Variants in KLLN observed in about 807,000 individuals in gnomAD.
KLLN encodes the protein killin.
For synonymous variants in KLLN, 142 were observed against 102.2 expected, an observed-to-expected ratio of 1.39 and a Z score of -2.35; for missense variants, 340 against 241.3, an observed-to-expected ratio of 1.41 and a Z score of -2.71.
rs776404259 is a variant in KLLN at position 87,861,897 on chromosome 10, C to A, written c.*54G>T. ...CCCTAGCGCCCAGCTCCTTTTCCCACGTTTGGGAAGGCGCAGAATAGGTCG... is the reference window on the plus strand; with the variant it reads ...CCCTAGCGCCCAGCTCCTTTTCCCAAGTTTGGGAAGGCGCAGAATAGGTCG... On this transcript the variant is annotated 3_prime_UTR_variant, in exon 1 of 1. Transcript: ENST00000445946. The A allele has an allele frequency of 5.2e-4, 740 of 1,429,372 alleles. No individual in the cohort carries two copies. The highest frequency in any genetic ancestry group is 6.3e-4 in the Non-Finnish European group (681 of 1,083,662). 88.5% of individuals were successfully genotyped at this position (1,429,372 alleles called of 1,614,324 possible).
rs950324368 is a variant in KLLN at position 87,860,601 on chromosome 10, T to G, written c.*1350A>C. 1 of 152,240 alleles carries G rather than the reference T, an allele frequency of 6.6e-6. No homozygotes were observed. Among genetic ancestry groups the G allele is most frequent in the African/African-American group, 2.4e-5 (1 of 41,444 alleles). 9.4% of individuals were successfully genotyped at this position (152,240 alleles called of 1,614,324 possible). A position where few individuals can be genotyped will look rare whatever the true frequency, so the allele number is the denominator to read the frequency against. ...GCAGATTTCAGAGATTCTCAGATGC[T>G]ATGAGACTAATTGTCACTTAGGGTA... On this transcript the variant is annotated 3_prime_UTR_variant, in exon 1 of 1. Transcript: ENST00000445946.
Position 87,862,066 on chromosome 10 carries a change from G to C in KLLN, c.422C>G (p.Thr141Arg). ...CCAGCAGGCGGGGAGGCGGGGGCAC[G>C]TGTTTGGATGTGGGTGCTTGTGTAA... ...NWLHKHPHPN[T>R]CPRLPACWLP... Residue 141 changes from threonine to arginine, a missense_variant, in exon 1 of 1, where the codon ACG becomes AGG. By Grantham distance (71) the Thr-to-Arg change is moderately conservative. Coordinates refer to ENST00000445946, the MANE Select transcript of KLLN (RefSeq NM_001126049.2). 2 of 1,501,418 alleles carry C rather than the reference G, an allele frequency of 1.3e-6. No individual in the cohort carries two copies. The highest frequency in any genetic ancestry group is 1.8e-6 in the Non-Finnish European group (2 of 1,121,732). The allele number at this position is 1,501,418 out of a possible 1,614,324, so 93.0% of individuals were successfully genotyped here. A position where few individuals can be genotyped will look rare whatever the true frequency, so the allele number is the denominator to read the frequency against.
rs1340676218 is a variant in KLLN at position 87,859,305 on chromosome 10, T to C, written c.*2646A>G. ...TATTATGTTTTTATATTCTGTATTA[T>C]TTAGAAAACAGTAGTTAAACAGACA... is the stretch of plus-strand genomic sequence containing the variant. On this transcript the variant is annotated 3_prime_UTR_variant, in exon 1 of 1. Transcript: ENST00000445946. The C allele has an allele frequency of 1.3e-5, 2 of 152,210 alleles. No homozygotes were observed. The highest frequency in any genetic ancestry group is 6.5e-5 in the Admixed American group (1 of 15,290). 9.4% of individuals were successfully genotyped at this position (152,210 alleles called of 1,614,324 possible).
Position 87,862,502 on chromosome 10 carries a change from A to T in KLLN, c.-15T>A. ...GGGCGATCCATCCTGCCGGGTTTTCACGGCGGCCAAGGGGGGGCGGGGCTA... is the reference window on the plus strand; with the variant it reads ...GGGCGATCCATCCTGCCGGGTTTTCTCGGCGGCCAAGGGGGGGCGGGGCTA... On this transcript the variant is annotated 5_prime_UTR_variant, in exon 1 of 1. Coordinates refer to ENST00000445946, the MANE Select transcript of KLLN (RefSeq NM_001126049.2). 1.3e-6 allele frequency: 2 copies of T among 1,534,444 alleles called. No individual in the cohort carries two copies. Among genetic ancestry groups the T allele is most frequent in the Non-Finnish European group, 8.8e-7 (1 of 1,136,332 alleles).
In KLLN at chr10:87,862,620, C is replaced by T. The variant is rs1858298242; in HGVS notation, c.-133G>A. 1.2e-6 allele frequency: 1 copy of T among 839,434 alleles called. No individual in the cohort carries two copies. The allele number at this position is 839,434 out of a possible 1,614,324, so 52.0% of individuals were successfully genotyped here. ...CTCGACTCTCTTGGGGGCACCGGAG[C>T]GGGCGCAGGAGAGGCCTGCGGGGTG... On this transcript the variant is annotated 5_prime_UTR_variant, in exon 1 of 1. Transcript: ENST00000445946.
Position 87,863,508 on chromosome 10 carries a change from C to T in KLLN, c.-1021G>A. On this transcript the variant is annotated 5_prime_UTR_variant, in exon 1 of 1. Coordinates refer to ENST00000445946, the MANE Select transcript of KLLN (RefSeq NM_001126049.2). ...CGCCTCCCCTCGGTCTTCCGAGGCG[C>T]CCGGGCTCCCGGCGCGGCGGCGGAG... 1 of 384,852 alleles carries T rather than the reference C, an allele frequency of 2.6e-6. No homozygotes were observed. The highest frequency in any genetic ancestry group is 4.6e-6 in the Non-Finnish European group (1 of 216,870). 23.8% of individuals were successfully genotyped at this position (384,852 alleles called of 1,614,324 possible). A position where few individuals can be genotyped will look rare whatever the true frequency, so the allele number is the denominator to read the frequency against.
chr10:87,861,751 G>A lies in KLLN; in HGVS notation c.*200C>T. The A allele has an allele frequency of 2.0e-6, 1 of 511,406 alleles. No individual in the cohort carries two copies. Among genetic ancestry groups the A allele is most frequent in the African/African-American group, 1.9e-5 (1 of 52,808 alleles). 31.7% of individuals were successfully genotyped at this position (511,406 alleles called of 1,614,324 possible). A position where few individuals can be genotyped will look rare whatever the true frequency, so the allele number is the denominator to read the frequency against. On this transcript the variant is annotated 3_prime_UTR_variant, in exon 1 of 1. Coordinates refer to ENST00000445946, the MANE Select transcript of KLLN (RefSeq NM_001126049.2). ...GCTCACCAGCTCAGGGGTAGTGACTGGACGTTTGTTGCAACATCGGAGAAT... is the reference window on the plus strand; with the variant it reads ...GCTCACCAGCTCAGGGGTAGTGACTAGACGTTTGTTGCAACATCGGAGAAT...
At position 87,863,336 on chromosome 10, in the gene KLLN, G is replaced by A. The variant is rs587782801; in HGVS notation, c.-849C>T. The A allele has an allele frequency of 3.3e-6, 1 of 300,550 alleles. No individual in the cohort carries two copies. Among genetic ancestry groups the A allele is most frequent in the East Asian group, 5.3e-5 (1 of 18,742 alleles). 18.6% of individuals were successfully genotyped at this position (300,550 alleles called of 1,614,324 possible). ...AACCGGCCCGAGCAAGCCCCAGGCA[G>A]CTACACTGGGCATGCTCAGTAGAGC... On this transcript the variant is annotated 5_prime_UTR_variant, in exon 1 of 1. Transcript: ENST00000445946.
chr10:87,862,655 C>T lies in KLLN; in HGVS notation c.-168G>A, dbSNP rs1269458077. 1.6e-6 allele frequency: 1 copy of T among 627,114 alleles called. No homozygotes were observed. Among genetic ancestry groups the T allele is most frequent in the Non-Finnish European group, 2.9e-6 (1 of 349,120 alleles). 38.8% of individuals were successfully genotyped at this position (627,114 alleles called of 1,614,324 possible). On this transcript the variant is annotated 5_prime_UTR_variant, in exon 1 of 1. Coordinates refer to ENST00000445946, the MANE Select transcript of KLLN (RefSeq NM_001126049.2). ...AGAGGCCTGCGGGGTGCGTCCCACTCACAGGGATCCTCTTTCAGTTCATTT... is the reference window on the plus strand; with the variant it reads ...AGAGGCCTGCGGGGTGCGTCCCACTTACAGGGATCCTCTTTCAGTTCATTT...
Position 87,861,752 on chromosome 10 carries a change from G to A in KLLN, c.*199C>T. 3.9e-6 allele frequency: 2 copies of A among 512,518 alleles called. No individual in the cohort carries two copies. The highest frequency in any genetic ancestry group is 3.4e-6 in the Non-Finnish European group (1 of 295,588). 31.7% of individuals were successfully genotyped at this position (512,518 alleles called of 1,614,324 possible). On this transcript the variant is annotated 3_prime_UTR_variant, in exon 1 of 1. Coordinates refer to ENST00000445946, the MANE Select transcript of KLLN (RefSeq NM_001126049.2). ...CTCACCAGCTCAGGGGTAGTGACTG[G>A]ACGTTTGTTGCAACATCGGAGAATG...
Position 87,861,152 on chromosome 10 carries a change from T to C in KLLN, c.*799A>G, listed in dbSNP as rs1246205299. On this transcript the variant is annotated 3_prime_UTR_variant, in exon 1 of 1. Coordinates refer to ENST00000445946, the MANE Select transcript of KLLN (RefSeq NM_001126049.2). Reference sequence around the variant, plus strand: ...GCCTCAGAGGTCTCTAAGAACACTGTAAATATCCCAGGTTTAATTAGTAGT... The same window carrying C: ...GCCTCAGAGGTCTCTAAGAACACTGCAAATATCCCAGGTTTAATTAGTAGT... The C allele has an allele frequency of 6.6e-6, 1 of 152,254 alleles. No homozygotes were observed. The highest frequency in any genetic ancestry group is 1.5e-5 in the Non-Finnish European group (1 of 68,046). The allele number at this position is 152,254 out of a possible 1,614,324, so 9.4% of individuals were successfully genotyped here.
Position 87,860,315 on chromosome 10 carries a change from T to C in KLLN, c.*1636A>G, listed in dbSNP as rs1858236164. On this transcript the variant is annotated 3_prime_UTR_variant, in exon 1 of 1. Transcript: ENST00000445946. ...TGATGTTGCTGTTGGGCTGGCCAAA[T>C]ATCTGCCAACATTGATGATCCTTTC... 6.6e-6 allele frequency: 1 copy of C among 152,220 alleles called. No homozygotes were observed. Among genetic ancestry groups the C allele is most frequent in the African/African-American group, 2.4e-5 (1 of 41,464 alleles). The allele number at this position is 152,220 out of a possible 1,614,324, so 9.4% of individuals were successfully genotyped here. A position where few individuals can be genotyped will look rare whatever the true frequency, so the allele number is the denominator to read the frequency against.
Position 87,862,250 on chromosome 10 carries a change from T to G in KLLN, c.238A>C (p.Ser80Arg). The G allele has an allele frequency of 6.4e-7, 1 of 1,551,698 alleles. No individual in the cohort carries two copies. Among genetic ancestry groups the G allele is most frequent in the Non-Finnish European group, 8.7e-7 (1 of 1,146,992 alleles). ...GACGACTTGCCTCCGGAGCTATCAC[T>G]GGGGAGTGGGAATTTGGAAAGTTCC... ...VGELSKFPLPSDSSGGKSSSS... is the reference protein window; with the variant it reads ...VGELSKFPLPRDSSGGKSSSS... The change falls in exon 1 of 1, where the codon AGT becomes CGT. Residue 80 changes from serine (S) to arginine (R), a missense_variant. Ser to Arg is a moderately radical substitution (Grantham distance 110). Transcript: ENST00000445946.
chr10:87,862,005 G>GA, the KLLN span: 3 of 1,475,650 alleles, frequency 2.0e-6, no homozygotes, highest in Non-Finnish European at 2.7e-6. Context: ...CCAGTTTGGG[G>GA]ACTCTCTCCC....
At position 87,862,458 on chromosome 10, in the gene KLLN, G is replaced by A. The variant is rs928471081; in HGVS notation, c.30C>T (p.Arg10=). The part of the protein sequence containing the change: MDRPGPGSA[R]PGRTVHVWGY... Reference sequence around the variant, plus strand: ...CCCAAACGTGCACGGTCCGGCCGGGGCGCGCGGAGCCTGGCCCCGGGCGAT... The same window carrying A: ...CCCAAACGTGCACGGTCCGGCCGGGACGCGCGGAGCCTGGCCCCGGGCGAT... The change falls in exon 1 of 1, where the codon CGC becomes CGT. Residue 10 remains arginine, a synonymous_variant. Transcript: ENST00000445946. The A allele has an allele frequency of 2.6e-6, 4 of 1,550,044 alleles. No homozygotes were observed. The highest frequency in any genetic ancestry group is 3.9e-5 in the Admixed American group (2 of 50,970).
At position 87,862,773 on chromosome 10, in the gene KLLN, C is replaced by A. The variant is rs1366403527; in HGVS notation, c.-286G>T. ...AGCTTTCATTTTTAGGGCAAACGAGCCGAGTTACCGGGGAAGCGAGAGGTG... is the reference window on the plus strand; with the variant it reads ...AGCTTTCATTTTTAGGGCAAACGAGACGAGTTACCGGGGAAGCGAGAGGTG... On this transcript the variant is annotated 5_prime_UTR_variant, in exon 1 of 1. Transcript: ENST00000445946. The A allele has an allele frequency of 2.1e-6, 1 of 474,084 alleles. No individual in the cohort carries two copies. Among genetic ancestry groups the A allele is most frequent in the Non-Finnish European group, 3.9e-6 (1 of 254,984 alleles). The allele number at this position is 474,084 out of a possible 1,614,324, so 29.4% of individuals were successfully genotyped here.
chr10:87,863,246 TC>T lies in KLLN; in HGVS notation c.-760del, dbSNP rs1031612472. On this transcript the variant is annotated 5_prime_UTR_variant, in exon 1 of 1. It introduces an in-frame stop codon into an upstream open reading frame of the 5' UTR. Coordinates refer to ENST00000445946, the MANE Select transcript of KLLN (RefSeq NM_001126049.2). Reference sequence around the variant, plus strand: ...TTCTGGGCAGAGGCCGAGGCTTAGCTCGTTATCCTCGCCTCGCGTTGCTGCA... The same window carrying T: ...TTCTGGGCAGAGGCCGAGGCTTAGCTGTTATCCTCGCCTCGCGTTGCTGCA... 1.9e-5 allele frequency: 4 copies of T among 213,066 alleles called. No individual in the cohort carries two copies. The highest frequency in any genetic ancestry group is 9.3e-5 in the African/African-American group (4 of 43,228). The allele number at this position is 213,066 out of a possible 1,614,324, so 13.2% of individuals were successfully genotyped here.
chr10:87,862,541 A>T lies in KLLN; in HGVS notation c.-54T>A. ...GGGGCGGGGCTAGGTGGTCTCTGAG[A>T]ACCGAGCTTGACTCCGACGCCGCGA... On this transcript the variant is annotated 5_prime_UTR_variant, in exon 1 of 1. Coordinates refer to ENST00000445946, the MANE Select transcript of KLLN (RefSeq NM_001126049.2). 6.8e-7 allele frequency: 1 copy of T among 1,467,150 alleles called. No individual in the cohort carries two copies. The highest frequency in any genetic ancestry group is 1.3e-5 in the South Asian group (1 of 76,782). The allele number at this position is 1,467,150 out of a possible 1,614,324, so 90.9% of individuals were successfully genotyped here.
In KLLN at chr10:87,861,669, T is replaced by C. The variant is rs746974442; in HGVS notation, c.*282A>G. ...AGGTTTGTTCTGGGCTGACGGCCAT[T>C]GACTAGGTTCTCAGACCAGATAAGT... On this transcript the variant is annotated 3_prime_UTR_variant, in exon 1 of 1. Transcript: ENST00000445946. 22 of 366,528 alleles carry C rather than the reference T, an allele frequency of 6.0e-5. No homozygotes were observed. Among genetic ancestry groups the C allele is most frequent in the Non-Finnish European group, 8.4e-5 (17 of 203,086 alleles). 22.7% of individuals were successfully genotyped at this position (366,528 alleles called of 1,614,324 possible).
Sources: allele counts gnomAD v4.1 joint callset, GRCh38; gene constraint gnomAD v4.1.1; transcripts MANE v1.5; gene names NCBI Gene and HGNC (gene_info 2026-07-23, HGNC 2026-07-21).